Variants in ECI2 observed in about 807,000 individuals in gnomAD.
ECI2 encodes enoyl-CoA delta isomerase 2.
Under a neutral mutation model 38.4 loss-of-function variants are expected in ECI2, and 27 were observed. The observed-to-expected ratio is 0.70, with a 90% CI of 0.52 to 0.97. ECI2 has a LOEUF of 0.97. Among genes scored for constraint, ECI2 ranks in the 50% least tolerant of loss-of-function variants. The pLI, the probability that ECI2 is intolerant of heterozygous loss-of-function variation, is 0.00. For synonymous variants in ECI2, 168 were observed against 172.0 expected (o/e 0.98, Z 0.18); for missense variants, 470 against 474.4 (o/e 0.99, Z 0.09).
chr6:4,125,347 T>C lies in ECI2; in HGVS notation c.698A>G (p.Asp233Gly), dbSNP rs549462603. The C allele has an allele frequency of 6.8e-6, 11 of 1,613,980 alleles. No individual in the cohort carries two copies. In the Admixed American group the frequency reaches 1.8e-4, roughly 27 times the overall value. ...LLREFVGCFI[D>G]FPKPLIAVVN... Reference sequence around the variant, plus strand: ...CACTGCAATCAGAGGCTTAGGAAAATCTATAAAACAGCCCACAAATTCCCT... The same window carrying C: ...CACTGCAATCAGAGGCTTAGGAAAACCTATAAAACAGCCCACAAATTCCCT... Residue 233 changes from aspartate (D) to glycine (G), a missense_variant, in exon 7 of 10, where the codon GAT (aspartate) becomes GGT (glycine). Physicochemically the swap from Asp to Gly is moderately conservative, Grantham distance 94 (BLOSUM62 -1). Transcript: ENST00000380118.
At chr6:4,116,069 T>A (rs748306139) in intron 9 of ECI2, 40 bp from the exon 10 acceptor site, 5 of 1,590,750 alleles carry the variant, frequency 3.1e-6, no homozygotes, top group Non-Finnish European at 4.3e-6. Context: ...AGAGTTGACC[T>A]AGGCTGGACG....
chr6:4,133,521 T>C (rs1352556126), intron 2 of ECI2, 28 bp downstream of exon 2: 4 of 1,571,248 alleles, frequency 2.5e-6, no homozygotes, highest in Non-Finnish European at 3.4e-6. Flanking sequence ...CAAAATTCTT[T>C]AAATAACGTT....
At chr6:4,129,771 A>G (rs1291682606) in intron 4 of ECI2, among the ~76,000 whole-genome samples, 1 of 152,068 alleles carries the variant, frequency 6.6e-6, no homozygotes, top group Non-Finnish European at 1.5e-5. Context: ...GTCCTCTGAA[A>G]TTTTAGTCCC....
rs1773073929 is a variant in ECI2, at chr6:4,125,307, A to G, written c.738T>C (p.Ala246=). The G allele has an allele frequency of 6.2e-7, 1 of 1,614,200 alleles. No homozygotes were observed. Among genetic ancestry groups the G allele is most frequent in the Non-Finnish European group, 8.5e-7 (1 of 1,180,032 alleles). Residue 246 remains alanine (A), a synonymous_variant, in exon 7 of 10, where the codon GCT becomes GCC. Coordinates refer to ENST00000380118, the MANE Select transcript of ECI2 (RefSeq NM_206836.3). ...KPLIAVVNGP[A]VGISVTLLGL... ...CAAGGAGGGTGACGGAGATGCCCAC[A>G]GCTGGACCATTGACCACTGCAATCA...
At chr6:4,135,356 C>T in intron 1 of ECI2, 155 bp downstream of exon 1, 1 of 1,496,232 alleles carries the variant, frequency 6.7e-7, no homozygotes, top group Non-Finnish European at 8.9e-7. Flanking sequence ...GAGGTCGTCA[C>T]TTTTTAGCAC....
At chr6:4,120,258 T>C (rs1380279445) in intron 7 of ECI2, among the ~76,000 whole-genome samples, 1 of 152,178 alleles carries the variant, frequency 6.6e-6, no homozygotes. Flanking sequence ...AATTTTGTCA[T>C]TGTGCCAATA....
intron 1 of ECI2, among the ~76,000 whole-genome samples, chr6:4,133,988 G>T (rs1037551190): frequency 1.3e-5 from 2 of 152,226 alleles, no homozygotes; most frequent in African/African-American, 4.8e-5. Flanking sequence ...AGCCAGAACA[G>T]GAATGACCAT....
intron 5 of ECI2, among the ~76,000 whole-genome samples, chr6:4,126,647 T>C (rs906829763): frequency 6.6e-6 from 1 of 152,124 alleles, no homozygotes; most frequent in African/African-American, 2.4e-5. Context: ...TTATCCCCAC[T>C]GTAGATGAAG....
chr6:4,122,170 C>G, intron 7 of ECI2: 2 of 503,894 alleles, frequency 4.0e-6, no homozygotes, highest in Non-Finnish European at 7.1e-6. Context: ...AAGTTTCTTA[C>G]CCTCTCTGTA....
chr6:4,125,637 T>A (rs1056134356), intron 6 of ECI2: 1 of 504,028 alleles, frequency 2.0e-6, no homozygotes, highest in African/African-American at 1.9e-5. Context: ...GGACAGTGAG[T>A]TCAGGGCTGT....
At position 4,130,477 on chromosome 6, in the gene ECI2, T is replaced by G. The variant is rs1773447079; in HGVS notation, c.396A>C (p.Thr132=). ...LESSSQVEPG[T]DRKSTGFETL... ...TTTCAAACCCAGTTGATTTCCTGTC[T>G]GTTCCAGGCTCCACCTGACTAGAGG... The change falls in exon 4 of 10, where the codon ACA becomes ACC. Residue 132 remains threonine, a synonymous_variant. Transcript: ENST00000380118. 10 of 1,614,246 alleles carry G rather than the reference T, an allele frequency of 6.2e-6. No homozygotes were observed. The highest frequency in any genetic ancestry group is 6.8e-6 in the Non-Finnish European group (8 of 1,180,038).
intron 2 of ECI2, among the ~76,000 whole-genome samples, chr6:4,132,867 C>T (rs1037896069): frequency 1.3e-5 from 2 of 152,150 alleles, no homozygotes; most frequent in Admixed American, 6.5e-5. Context: ...CAGGTTCAAA[C>T]GATTCTCCTG....
At chr6:4,122,451 C>T (rs1202111394) in intron 7 of ECI2, among the ~76,000 whole-genome samples, 1 of 152,058 alleles carries the variant, frequency 6.6e-6, no homozygotes, top group East Asian at 1.9e-4. Flanking sequence ...GAATTCCTGA[C>T]CTCAAGTGAT....
At chr6:4,131,514 A>G (rs1773507189) in intron 2 of ECI2, among the ~76,000 whole-genome samples, 1 of 152,212 alleles carries the variant, frequency 6.6e-6, no homozygotes, top group African/African-American at 2.4e-5. Context: ...AATTCCAGTT[A>G]AAATTTTTAA....
intron 5 of ECI2, 62 bp downstream of exon 5, chr6:4,127,700 C>A: frequency 6.5e-7 from 1 of 1,538,444 alleles, no homozygotes; most frequent in Admixed American, 1.9e-5. Context: ...ACTCAATTTC[C>A]TATCTATTAA....
At chr6:4,133,107 C>T (rs1773569238) in intron 2 of ECI2, among the ~76,000 whole-genome samples, 1 of 152,118 alleles carries the variant, frequency 6.6e-6, no homozygotes, top group African/African-American at 2.4e-5. Context: ...TTCAACTATC[C>T]ATGCTATTTC....
chr6:4,124,688 T>C (rs1773026638), intron 7 of ECI2, among the ~76,000 whole-genome samples: 1 of 152,160 alleles, frequency 6.6e-6, no homozygotes, highest in Non-Finnish European at 1.5e-5. Context: ...AATTTTATTT[T>C]CCACTATGAC....
chr6:4,132,756 C>T (rs1773557457), intron 2 of ECI2, among the ~76,000 whole-genome samples: 1 of 152,092 alleles, frequency 6.6e-6, no homozygotes, highest in South Asian at 2.1e-4. Flanking sequence ...TGCTTCATCT[C>T]TCTCTCTCTT....
rs114924821 is a variant in ECI2 at position 4,119,234 on chromosome 6, C to A, written c.837G>T (p.Pro279=). The A allele has an allele frequency of 1.1e-5, 17 of 1,613,614 alleles. No individual in the cohort carries two copies. Among genetic ancestry groups the A allele is most frequent in the Non-Finnish European group, 1.4e-5 (17 of 1,179,846 alleles). Residue 279 remains proline (P), a synonymous_variant, in exon 8 of 10, where the codon CCG becomes CCT. Transcript: ENST00000380118. ...HTPFSHLGQS[P]EGCSSYTFPK... ...GAAAAGTGTAAGAGGAGCATCCTTC[C>A]GGACTTTGGCCTAGGTGACTAAATG...
Sources: gnomAD v4.1 joint callset for allele counts (sites outside exome capture counted in the v4.1 genomes callset) on GRCh38, gnomAD v4.1.1 for gene constraint, MANE v1.5 for transcripts, NCBI Gene and HGNC (gene_info 2026-07-23, HGNC 2026-07-21) for gene names.